Variants in GRIK2 observed in about 807,000 individuals in gnomAD.
The protein encoded by GRIK2 is glutamate ionotropic receptor kainate type subunit 2.
A neutral mutation model predicts 100.3 loss-of-function variants in GRIK2; 32 were observed. The observed-to-expected ratio is 0.32, with a 90% confidence interval of 0.24 to 0.43. GRIK2 has a LOEUF of 0.43. Ranked by LOEUF, GRIK2 falls within the 20% of genes least tolerant of loss-of-function variation. GRIK2 has a pLI of 1.00. For missense variants in GRIK2, 843 were observed against 1,114.9 expected (o/e 0.76, Z 3.47); for synonymous variants, 417 against 389.4 (o/e 1.07, Z -0.83).
intron 7 of GRIK2, among the ~76,000 whole-genome samples, chr6:101,761,919 C>T (rs1312931479): frequency 8.8e-6 from 1 of 113,158 alleles, no homozygotes; most frequent in Non-Finnish European, 1.7e-5. Context: ...TCCTTTCTTT[C>T]CTTTGTTTGT....
At chr6:101,921,627 C>T (rs1051552082) in intron 12 of GRIK2, among the ~76,000 whole-genome samples, 1 of 151,838 alleles carries the variant, frequency 6.6e-6, no homozygotes, top group Non-Finnish European at 1.5e-5. Context: ...GTTGTGTTCA[C>T]GTTAATGTGA....
At chr6:101,888,466 T>C (rs1324412792) in intron 11 of GRIK2, among the ~76,000 whole-genome samples, 1 of 152,174 alleles carries the variant, frequency 6.6e-6, no homozygotes, top group African/African-American at 2.4e-5. Context: ...TTTATTTGAT[T>C]TATGAATATG....
chr6:102,034,785 G>T (rs1174351341), intron 14 of GRIK2, among the ~76,000 whole-genome samples: 2 of 151,272 alleles, frequency 1.3e-5, no homozygotes, highest in African/African-American at 2.4e-5. Flanking sequence ...ATCTTTATTT[G>T]TAACATCCTT....
At chr6:101,801,130 G>A (rs2128414047) in intron 8 of GRIK2, among the ~76,000 whole-genome samples, 1 of 152,140 alleles carries the variant, frequency 6.6e-6, no homozygotes, top group South Asian at 2.1e-4. Flanking sequence ...AAAATTACTT[G>A]TGCAATTTCA....
chr6:101,792,190 G>A (rs1779920274), intron 7 of GRIK2, among the ~76,000 whole-genome samples: 2 of 151,370 alleles, frequency 1.3e-5, no homozygotes, highest in South Asian at 4.2e-4. Flanking sequence ...TTTAATTGGA[G>A]CATTTAGCCC....
intron 7 of GRIK2, among the ~76,000 whole-genome samples, chr6:101,749,803 CTTTT>C (rs989554915): frequency 2.2e-5 from 2 of 92,550 alleles, no homozygotes; most frequent in African/African-American, 8.9e-5. Flanking sequence ...GTGCCAGTTT[CTTTT>C]TTTTTTTTTT....
At chr6:101,473,363 C>T (rs1772055271) in intron 2 of GRIK2, among the ~76,000 whole-genome samples, 1 of 150,830 alleles carries the variant, frequency 6.6e-6, no homozygotes, top group Non-Finnish European at 1.5e-5. Context: ...CAAATGGTAC[C>T]CGAGTTTTTC....
chr6:101,621,620 T>C (rs908092935), intron 2 of GRIK2, among the ~76,000 whole-genome samples: 1 of 152,018 alleles, frequency 6.6e-6, no homozygotes, highest in East Asian at 1.9e-4. Context: ...AGTCAAGACC[T>C]CTCTATACCT....
At chr6:101,802,506 T>G (rs757910463) in intron 9 of GRIK2, 68 bp downstream of exon 9, 5 of 579,834 alleles carry the variant, frequency 8.6e-6, no homozygotes, top group Non-Finnish European at 1.2e-5. Context: ...AAATATTCTC[T>G]GTTGTAGTCA....
At chr6:101,938,317 A>G (rs1279902015) in intron 14 of GRIK2, among the ~76,000 whole-genome samples, 1 of 152,090 alleles carries the variant, frequency 6.6e-6, no homozygotes, top group Admixed American at 6.6e-5. Flanking sequence ...ATTTGCAAGG[A>G]TGAAGCACAG....
At chr6:101,731,465 A>G (rs571856006) in intron 7 of GRIK2, among the ~76,000 whole-genome samples, 2 of 152,170 alleles carry the variant, frequency 1.3e-5, no homozygotes, top group South Asian at 4.1e-4. Flanking sequence ...GTTTTAGAAT[A>G]AAAACCTGGA....
At chr6:101,710,733 G>A (rs1265076449) in intron 7 of GRIK2, among the ~76,000 whole-genome samples, 1 of 151,714 alleles carries the variant, frequency 6.6e-6, no homozygotes, top group Admixed American at 6.6e-5. Context: ...CTTCACCTGG[G>A]GTCACAAGAC....
At chr6:101,464,532 T>G (rs1445936347) in intron 2 of GRIK2, among the ~76,000 whole-genome samples, 2 of 65,348 alleles carry the variant, frequency 3.1e-5, no homozygotes, top group Non-Finnish European at 5.6e-5. Context: ...TTTTTTTTTT[T>G]TTTGAGACAG....
chr6:101,523,684 C>T (rs946855123), intron 2 of GRIK2, among the ~76,000 whole-genome samples: 1 of 149,038 alleles, frequency 6.7e-6, no homozygotes, highest in Non-Finnish European at 1.5e-5. Context: ...GTTCTCTTTC[C>T]TTGACTACAA....
intron 6 of GRIK2, among the ~76,000 whole-genome samples, chr6:101,683,699 G>A (rs1771457218): frequency 6.6e-6 from 1 of 152,122 alleles, no homozygotes; most frequent in Non-Finnish European, 1.5e-5. Context: ...AGGTCTAAAT[G>A]TTCTATGTAA....
chr6:101,901,208 T>C (rs12206015), intron 12 of GRIK2, among the ~76,000 whole-genome samples: 14,456 of 152,028 alleles, frequency 0.095, 849 homozygotes, highest in Middle Eastern at 0.2. Context: ...TGTTTTTTTA[T>C]GTAATATTAT....
chr6:101,444,986 C>T (rs1770291778), intron 2 of GRIK2, among the ~76,000 whole-genome samples: 1 of 151,966 alleles, frequency 6.6e-6, no homozygotes, highest in East Asian at 1.9e-4. Flanking sequence ...ATTTTTTTCT[C>T]AGACATTTCT....
intron 7 of GRIK2, among the ~76,000 whole-genome samples, chr6:101,755,072 A>G (rs1406724528): frequency 6.6e-6 from 1 of 152,150 alleles, no homozygotes; most frequent in African/African-American, 2.4e-5. Context: ...GCAAGGAACA[A>G]GAAGAAAAGA....
intron 14 of GRIK2, among the ~76,000 whole-genome samples, chr6:101,929,473 ATT>A (rs68002758): frequency 2.6e-5 from 4 of 151,554 alleles, no homozygotes; most frequent in South Asian, 4.2e-4. Context: ...TGGAAATAGT[ATT>A]TTTTTTTAAA....
Sources: allele counts gnomAD v4.1 joint callset (sites outside exome capture counted in the v4.1 genomes callset), GRCh38; gene constraint gnomAD v4.1.1; transcripts MANE v1.5; gene names NCBI Gene and HGNC (gene_info 2026-07-23, HGNC 2026-07-21).